Variants in ZNF33B observed in about 807,000 individuals in gnomAD.
ZNF33B encodes zinc finger protein 33B.
ZNF33B carries 29 observed loss-of-function variants against 45.8 expected under a neutral mutation model. That is an observed-to-expected ratio of 0.63 (90% confidence interval 0.47 to 0.86). ZNF33B has a LOEUF of 0.86. Among genes scored for constraint, ZNF33B ranks in the 40% least tolerant of loss-of-function variants. The pLI is 0.00. For synonymous variants in ZNF33B, 305 were observed against 307.8 expected, an observed-to-expected ratio of 0.99 and a Z score of 0.10; for missense variants, 831 against 909.9, an observed-to-expected ratio of 0.91 and a Z score of 1.12.
At chr10:42,618,273 T>C (rs966455202) in intron 4 of ZNF33B, among the ~76,000 whole-genome samples, 1 of 152,206 alleles carries the variant, frequency 6.6e-6, no homozygotes, top group African/African-American at 2.4e-5. Context: ...TTACATGTAT[T>C]AGTCATTCAT....
chr10:42,593,232 C>T lies in ZNF33B; in HGVS notation c.1718G>A (p.Arg573Lys), dbSNP rs765405672. Residue 573 changes from arginine (R) to lysine (K), a missense_variant, in exon 5 of 5, where the codon AGA (arginine) becomes AAA (lysine). Physicochemically the swap from Arg to Lys is conservative, Grantham distance 26. Transcript: ENST00000359467. Reference protein sequence around the residue: ...SHKSTLSQHYRTHTGEKPYEC... With the variant: ...SHKSTLSQHYKTHTGEKPYEC... ...ATAGGGTTTCTCCCCCGTGTGTGTT[C>T]TATAATGTTGAGAGAGGGTTGACTT... 1.6e-5 allele frequency: 26 copies of T among 1,613,820 alleles called. 1 individual carries two copies. The South Asian group carries it at 2.7e-4, about 17-fold the overall frequency.
Position 42,593,386 on chromosome 10 carries a change from A to C in ZNF33B, c.1564T>G (p.Leu522Val), listed in dbSNP as rs138366584. Residue 522 changes from leucine (L) to valine (V), a missense_variant, in exon 5 of 5, where the codon TTG becomes GTG. Transcript: ENST00000359467. ...LTRHQIIHTG[L>V]KPYECYECGK... ...CATTCATAACATTCATAAGGTTTCA[A>C]CCCTGTATGAATTATCTGATGCCTG... 375 of 1,613,442 alleles carry C rather than the reference A, an allele frequency of 2.3e-4. 1 individual carries two copies. Among genetic ancestry groups the C allele is most frequent in the Admixed American group, 5.8e-4 (35 of 59,948 alleles).
At chr10:42,604,009 T>C (rs1263269386) in intron 4 of ZNF33B, among the ~76,000 whole-genome samples, 1 of 152,206 alleles carries the variant, frequency 6.6e-6, no homozygotes, top group East Asian at 1.9e-4. Flanking sequence ...TTCTCTACAA[T>C]GTCTATTCTT....
Position 42,592,636 on chromosome 10 carries a change from T to A in ZNF33B, c.2314A>T (p.Ile772Leu). 6.2e-7 allele frequency: 1 copy of A among 1,613,582 alleles called. No individual in the cohort carries two copies. Among genetic ancestry groups the A allele is most frequent in the Non-Finnish European group, 8.5e-7 (1 of 1,179,702 alleles). Reference sequence around the variant, plus strand: ...ATTCATTCATAAGGTTTTTCTCCTATGTGTGTTCTCTGATGTACAATGAGA... The same window carrying A: ...ATTCATTCATAAGGTTTTTCTCCTAAGTGTGTTCTCTGATGTACAATGAGA... ...SNLIVHQRTH[I>L]GEKPYE Residue 772 changes from isoleucine to leucine, a missense_variant, in exon 5 of 5, where the codon ATA (isoleucine) becomes TTA (leucine). Coordinates refer to ENST00000359467, the MANE Select transcript of ZNF33B (RefSeq NM_006955.3).
At chr10:42,628,164 C>T (rs1376932484) in intron 4 of ZNF33B, among the ~76,000 whole-genome samples, 1 of 152,130 alleles carries the variant, frequency 6.6e-6, no homozygotes, top group Non-Finnish European at 1.5e-5. Flanking sequence ...TACAGGCATG[C>T]GCCACCATGC....
chr10:42,637,000 A>C (rs1216346397), intron 1 of ZNF33B, 28 bp from the exon 2 acceptor site: 2 of 1,611,264 alleles, frequency 1.2e-6, no homozygotes, highest in Non-Finnish European at 8.5e-7. Context: ...GAATGGGGTC[A>C]TGAAAGATTT....
chr10:42,604,532 A>C (rs1368857733), intron 4 of ZNF33B, among the ~76,000 whole-genome samples: 1 of 152,232 alleles, frequency 6.6e-6, no homozygotes, highest in East Asian at 1.9e-4. Flanking sequence ...CAAACAGAAA[A>C]ATATTAGTAA....
At chr10:42,615,211 C>T (rs1838263213) in intron 4 of ZNF33B, among the ~76,000 whole-genome samples, 1 of 152,184 alleles carries the variant, frequency 6.6e-6, no homozygotes, top group African/African-American at 2.4e-5. Context: ...CAGCATTCTA[C>T]TTCTAAGTAT....
chr10:42,634,649 C>T (rs147952786), intron 2 of ZNF33B, among the ~76,000 whole-genome samples: 2 of 152,182 alleles, frequency 1.3e-5, no homozygotes, highest in East Asian at 3.9e-4. Context: ...CATATATGTA[C>T]ACATAATTGA....
intron 4 of ZNF33B, among the ~76,000 whole-genome samples, chr10:42,623,121 G>C (rs989180492): frequency 3.3e-5 from 5 of 152,180 alleles, no homozygotes; most frequent in African/African-American, 1.2e-4. Flanking sequence ...ACAAAAATTA[G>C]CTGGGCACTG....
rs373602903 is a variant in ZNF33B, at chr10:42,601,024, T to C, written c.251-6325A>G. 2.3e-4 allele frequency among the ~76,000 whole-genome samples: 35 copies of C among 152,312 alleles called. 1 individual carries two copies. Among genetic ancestry groups the C allele is most frequent in the African/African-American group, 8.4e-4 (35 of 41,562 alleles). Reference sequence around the variant, plus strand: ...CTTTCAGCTTTGTTTAACTGGAATGTCCTTATTTCTTCACTGTTTCTTATA... The same window carrying C: ...CTTTCAGCTTTGTTTAACTGGAATGCCCTTATTTCTTCACTGTTTCTTATA... On this transcript the variant is annotated intron_variant, in intron 4 of 4. Coordinates refer to ENST00000359467, the MANE Select transcript of ZNF33B (RefSeq NM_006955.3).
rs1837166983 is a variant in ZNF33B at position 42,592,412 on chromosome 10, A to T, written c.*201T>A. The T allele has an allele frequency of 2.6e-6, 2 of 780,120 alleles. No individual in the cohort carries two copies. 48.3% of individuals were successfully genotyped at this position (780,120 alleles called of 1,614,324 possible). ...CAGTATTAACCATCTGATATTCAAC[A>T]GAATATCACTTCCTAACAAAAGCCA... On this transcript the variant is annotated 3_prime_UTR_variant, in exon 5 of 5. Coordinates refer to ENST00000359467, the MANE Select transcript of ZNF33B (RefSeq NM_006955.3).
chr10:42,631,078 A>C (rs1839030465), intron 4 of ZNF33B, among the ~76,000 whole-genome samples: 1 of 152,212 alleles, frequency 6.6e-6, no homozygotes, highest in Non-Finnish European at 1.5e-5. Context: ...GTTTCCCCTG[A>C]CTGTTCCTTA....
At chr10:42,605,857 A>G (rs1402577035) in intron 4 of ZNF33B, among the ~76,000 whole-genome samples, 2 of 152,202 alleles carry the variant, frequency 1.3e-5, no homozygotes, top group Non-Finnish European at 2.9e-5. Context: ...ACACTTTGGG[A>G]GGCTGAAGCA....
chr10:42,588,007 C>A (rs570933343), downstream of ZNF33B, among the ~76,000 whole-genome samples: 1 of 152,300 alleles, frequency 6.6e-6, no homozygotes, highest in Non-Finnish European at 1.5e-5. Context: ...ACAAACCTCA[C>A]AATAGGCCAT....
chr10:42,635,564 C>G (rs1268606964), intron 2 of ZNF33B, among the ~76,000 whole-genome samples: 2 of 152,110 alleles, frequency 1.3e-5, no homozygotes, highest in African/African-American at 4.8e-5. Context: ...GTAATCCCAG[C>G]ACTTTGGGAG....
chr10:42,625,038 T>TTATATATATATATATATATATATATA (rs58614890), intron 4 of ZNF33B, among the ~76,000 whole-genome samples: 2 of 145,562 alleles, frequency 1.4e-5, no homozygotes, highest in Non-Finnish European at 3.0e-5. Context: ...GTTTCATATT[T>TTATATATATATATATATATATATATA]TATATATATA....
chr10:42,575,727 T>C lies in ZNF33B; in HGVS notation c.74-1049A>G, dbSNP rs547224444. On this transcript the variant is annotated intron_variant, in intron 1 of 1. Coordinates refer to the ZNF33B transcript ENST00000462075. ...CTGCATAATAATATATATATATATA[T>C]ACATATATATTTTTTTTTTTTGAGA... is the stretch of plus-strand genomic sequence containing the variant. Among the ~76,000 whole-genome samples the C allele has an allele frequency of 2.3e-3, 338 of 144,974 alleles. 2 individuals carry two copies. Among genetic ancestry groups the C allele is most frequent in the Middle Eastern group, 0.011 (3 of 278 alleles).
intron 1 of ZNF33B, 59 bp from the exon 2 acceptor site, chr10:42,637,031 G>A (rs950227913): frequency 6.4e-7 from 1 of 1,566,044 alleles, no homozygotes; most frequent in East Asian, 2.2e-5. Context: ...GCAACTCCCG[G>A]ATTCTTCTGC....
Sources: allele counts gnomAD v4.1 joint callset (sites outside exome capture counted in the v4.1 genomes callset), GRCh38; gene constraint gnomAD v4.1.1; transcripts MANE v1.5; gene names NCBI Gene and HGNC (gene_info 2026-07-23, HGNC 2026-07-21).